Variants in RBMS3 observed in about 807,000 individuals in gnomAD.
RBMS3 encodes the protein RNA-binding motif, single-stranded-interacting protein 3.
Under a neutral mutation model 66.8 loss-of-function variants are expected in RBMS3, and 27 were observed. That is an observed-to-expected ratio of 0.40 (90% CI 0.30 to 0.56). The LOEUF (loss-of-function observed/expected upper bound fraction) is 0.56, where lower values mean the gene tolerates loss of function less well. RBMS3 is among the 20% of genes least tolerant of loss of function. The probability of loss-of-function intolerance (pLI) is 0.40; values close to 1 mark genes in which losing one functional copy is unlikely to be tolerated. For synonymous variants in RBMS3, 188 were observed against 183.0 expected (o/e 1.03, Z -0.22); for missense variants, 513 against 549.5 (o/e 0.93, Z 0.66).
At chr3:29,326,345 G>A (rs1017184177) in intron 1 of RBMS3, among the ~76,000 whole-genome samples, 2 of 152,082 alleles carry the variant, frequency 1.3e-5, no homozygotes, top group East Asian at 3.9e-4. Flanking sequence ...AGTCTCCATG[G>A]CTTTGCTAAT....
At chr3:29,954,587 C>A (rs910230949) in intron 12 of RBMS3, among the ~76,000 whole-genome samples, 3 of 151,940 alleles carry the variant, frequency 2.0e-5, no homozygotes, top group African/African-American at 7.2e-5. Flanking sequence ...GACAGGAAAT[C>A]TTTTACCAAT....
intron 6 of RBMS3, among the ~76,000 whole-genome samples, chr3:29,776,726 A>C (rs2056439444): frequency 6.6e-6 from 1 of 151,918 alleles, no homozygotes; most frequent in South Asian, 2.1e-4. Context: ...TTAATAGTTG[A>C]CGTCTCTGAA....
chr3:29,711,145 G>A (rs1478803006), intron 4 of RBMS3, among the ~76,000 whole-genome samples: 1 of 152,082 alleles, frequency 6.6e-6, no homozygotes, highest in East Asian at 1.9e-4. Context: ...GGCACAATAA[G>A]AGATTAACTA....
chr3:29,893,197 G>A (rs1345919302), intron 8 of RBMS3, among the ~76,000 whole-genome samples: 1 of 151,474 alleles, frequency 6.6e-6, no homozygotes, highest in African/African-American at 2.4e-5. Flanking sequence ...GACTTGAGTG[G>A]CAGTATTGGA....
intron 1 of RBMS3, among the ~76,000 whole-genome samples, chr3:29,329,943 C>T (rs1449100768): frequency 6.8e-6 from 1 of 147,880 alleles, no homozygotes; most frequent in Middle Eastern, 3.3e-3. Flanking sequence ...ATTAATATAA[C>T]TTTTGTTATA....
chr3:29,346,305 A>G (rs2036570745), intron 1 of RBMS3, among the ~76,000 whole-genome samples: 2 of 152,042 alleles, frequency 1.3e-5, no homozygotes, highest in South Asian at 2.1e-4. Flanking sequence ...GTATGCCTAA[A>G]TAATAGGACT....
chr3:29,603,321 A>G (rs1347136810), intron 4 of RBMS3, among the ~76,000 whole-genome samples: 1 of 152,044 alleles, frequency 6.6e-6, no homozygotes, highest in Non-Finnish European at 1.5e-5. Context: ...CTCCAAAACC[A>G]TTAATGTATT....
intron 12 of RBMS3, among the ~76,000 whole-genome samples, chr3:29,978,261 G>C (rs1018052222): frequency 1.3e-5 from 2 of 152,138 alleles, no homozygotes; most frequent in African/African-American, 4.8e-5. Flanking sequence ...AATTTCACAA[G>C]ACTGTCACTT....
At chr3:29,936,783 A>T (rs2061275935) in intron 11 of RBMS3, among the ~76,000 whole-genome samples, 1 of 152,156 alleles carries the variant, frequency 6.6e-6, no homozygotes, top group Non-Finnish European at 1.5e-5. Context: ...CTCAGAGAAC[A>T]AAAGTGTGCT....
intron 4 of RBMS3, among the ~76,000 whole-genome samples, chr3:29,678,359 G>T (rs181663100): frequency 6.5e-4 from 99 of 152,054 alleles, no homozygotes; most frequent in African/African-American, 2.2e-3. Flanking sequence ...TATTATTAGG[G>T]GTTAGGAAGT....
intron 1 of RBMS3, among the ~76,000 whole-genome samples, chr3:29,313,026 T>C (rs1414488843): frequency 1.3e-5 from 2 of 151,692 alleles, no homozygotes; most frequent in Non-Finnish European, 3.0e-5. Flanking sequence ...CCTAAGCAAA[T>C]AATCTTTGCA....
chr3:29,375,543 T>C (rs1289831355), intron 1 of RBMS3, among the ~76,000 whole-genome samples: 2 of 151,924 alleles, frequency 1.3e-5, no homozygotes, highest in East Asian at 1.9e-4. Context: ...AGTGAACAAA[T>C]GACATGAACA....
intron 6 of RBMS3, among the ~76,000 whole-genome samples, chr3:29,813,082 C>G (rs895689140): frequency 4.0e-5 from 6 of 151,810 alleles, no homozygotes; most frequent in Non-Finnish European, 7.4e-5. Context: ...TAACTAATAC[C>G]CTTTTATTAG....
chr3:29,430,575 T>C (rs576877726), intron 1 of RBMS3, among the ~76,000 whole-genome samples: 1 of 152,296 alleles, frequency 6.6e-6, no homozygotes, highest in Admixed American at 6.5e-5. Flanking sequence ...TTAGGCATCA[T>C]GCAATTTACT....
At chr3:29,514,875 C>T (rs988184869) in intron 3 of RBMS3, among the ~76,000 whole-genome samples, 1 of 151,468 alleles carries the variant, frequency 6.6e-6, no homozygotes, top group Non-Finnish European at 1.5e-5. Flanking sequence ...TCAGTGAGTA[C>T]TTTATGCATG....
chr3:29,836,819 G>T (rs1190268557), intron 6 of RBMS3, among the ~76,000 whole-genome samples: 1 of 150,432 alleles, frequency 6.6e-6, no homozygotes, highest in South Asian at 2.1e-4. Flanking sequence ...ACATCACATT[G>T]TACACCTTAA....
At chr3:29,701,816 G>A (rs2052602595) in intron 4 of RBMS3, among the ~76,000 whole-genome samples, 1 of 150,830 alleles carries the variant, frequency 6.6e-6, no homozygotes, top group East Asian at 1.9e-4. Context: ...AGCGGGGCAG[G>A]GCTTGGGACC....
chr3:29,645,793 A>C (rs2049899478), intron 4 of RBMS3, among the ~76,000 whole-genome samples: 1 of 152,242 alleles, frequency 6.6e-6, no homozygotes, highest in African/African-American at 2.4e-5. Flanking sequence ...CATACATCCC[A>C]TATTGGCATT....
intron 4 of RBMS3, among the ~76,000 whole-genome samples, chr3:29,671,614 G>A (rs2051003534): frequency 6.6e-6 from 1 of 152,134 alleles, no homozygotes; most frequent in Non-Finnish European, 1.5e-5. Flanking sequence ...GAAAACCATG[G>A]CACAAGAACT....
Sources: gnomAD v4.1 joint callset for allele counts (sites outside exome capture counted in the v4.1 genomes callset) on GRCh38, gnomAD v4.1.1 for gene constraint, MANE v1.5 for transcripts, NCBI Gene and HGNC (gene_info 2026-07-23, HGNC 2026-07-21) for gene names.